Variants in MED12L observed in about 807,000 individuals in gnomAD.
MED12L encodes the protein mediator of RNA polymerase II transcription subunit 12-like protein.
In MED12L, 60 loss-of-function variants were observed where a neutral mutation model predicts 281.3. The ratio of observed to expected loss-of-function variants is 0.21; its 90% CI spans 0.17 to 0.26. The LOEUF (loss-of-function observed/expected upper bound fraction) is 0.26, where lower values mean the gene tolerates loss of function less well. Among genes scored for constraint, MED12L ranks in the 10% least tolerant of loss-of-function variants. MED12L has a pLI of 1.00. For missense variants in MED12L, 2,146 were observed against 2,680.9 expected (o/e 0.80, Z 4.41); for synonymous variants, 974 against 987.2 (o/e 0.99, Z 0.25).
intron 44 of MED12L, among the ~76,000 whole-genome samples, 198 bp from the exon 45 acceptor site, chr3:151,432,554 C>G (rs1188812970): frequency 6.6e-6 from 1 of 152,202 alleles, no homozygotes; most frequent in African/African-American, 2.4e-5. Flanking sequence ...CAAGTGTGGA[C>G]TGTGAATAAA....
At chr3:151,188,568 T>G in intron 13 of MED12L, 88 bp downstream of exon 13, 1 of 1,328,510 alleles carries the variant, frequency 7.5e-7, no homozygotes. Flanking sequence ...TTAGATCTTA[T>G]TTAATATTCT....
At chr3:151,335,310 A>G (rs752692137) in intron 16 of MED12L, among the ~76,000 whole-genome samples, 2 of 152,134 alleles carry the variant, frequency 1.3e-5, no homozygotes, top group African/African-American at 4.8e-5. Context: ...CTGTCATTCT[A>G]CTCTCATAAA....
chr3:151,196,595 T>C (rs528889043), intron 16 of MED12L, among the ~76,000 whole-genome samples: 29 of 152,330 alleles, frequency 1.9e-4, no homozygotes, highest in Admixed American at 7.8e-4. Context: ...TAGTGAACCA[T>C]GTTTCCTAGA....
intron 16 of MED12L, among the ~76,000 whole-genome samples, chr3:151,254,803 A>G (rs1737515761): frequency 6.6e-6 from 1 of 152,228 alleles, no homozygotes; most frequent in Admixed American, 6.5e-5. Flanking sequence ...CCTCTAGCTT[A>G]CCAGTTTTAG....
At chr3:151,275,054 C>T (rs922081451) in intron 16 of MED12L, among the ~76,000 whole-genome samples, 2 of 152,190 alleles carry the variant, frequency 1.3e-5, no homozygotes, top group African/African-American at 4.8e-5. Context: ...ACATCAGCAA[C>T]AGGTGAGTTC....
At chr3:151,162,047 G>T (rs1197689588) in intron 8 of MED12L, among the ~76,000 whole-genome samples, 2 of 152,170 alleles carry the variant, frequency 1.3e-5, no homozygotes, top group Admixed American at 6.5e-5. Context: ...GAAGAGAAGA[G>T]AAGAGAATGG....
chr3:151,138,765 C>G (rs1293748415), intron 5 of MED12L, among the ~76,000 whole-genome samples: 4 of 152,168 alleles, frequency 2.6e-5, no homozygotes, highest in African/African-American at 9.7e-5. Flanking sequence ...TGACTTATGA[C>G]TATTGATGTT....
At chr3:151,227,208 C>G (rs758986841) in intron 16 of MED12L, among the ~76,000 whole-genome samples, 9 of 152,216 alleles carry the variant, frequency 5.9e-5, no homozygotes, top group Non-Finnish European at 1.2e-4. Flanking sequence ...AGGAGCTGTG[C>G]TAAGTTTTCA....
intron 11 of MED12L, among the ~76,000 whole-genome samples, chr3:151,183,437 C>T (rs1183895744): frequency 2.6e-5 from 4 of 152,226 alleles, no homozygotes; most frequent in Admixed American, 6.5e-5. Context: ...TTGTCTTTCT[C>T]CTGCCTTTTC....
At chr3:151,371,811 A>G (rs1004785021) in intron 26 of MED12L, among the ~76,000 whole-genome samples, 1 of 152,148 alleles carries the variant, frequency 6.6e-6, no homozygotes, top group African/African-American at 2.4e-5. Flanking sequence ...TTAAAATATG[A>G]TAGTTATTTG....
In MED12L at chr3:151,160,207, T is replaced by G. The variant is rs1312504950; in HGVS notation, c.1107+106T>G. The G allele has an allele frequency of 1.4e-5, 15 of 1,057,924 alleles. No homozygotes were observed. The East Asian group carries it at 3.4e-4, about 24-fold the overall frequency. 65.5% of individuals were successfully genotyped at this position (1,057,924 alleles called of 1,614,324 possible). On this transcript the variant is annotated intron_variant, in intron 8 of 44. Transcript: ENST00000687756. ...TAGTTGACTTTTTACAACTCTAGTTTTTTCCTCACCCAAGTAATTTATTGA... is the reference window on the plus strand; with the variant it reads ...TAGTTGACTTTTTACAACTCTAGTTGTTTCCTCACCCAAGTAATTTATTGA...
At chr3:151,155,833 C>G (rs1252798895) in intron 5 of MED12L, among the ~76,000 whole-genome samples, 1 of 152,120 alleles carries the variant, frequency 6.6e-6, no homozygotes, top group Non-Finnish European at 1.5e-5. Flanking sequence ...TGATGTTTAA[C>G]AAGGAGGATC....
chr3:151,401,890 A>C (rs568270352), intron 39 of MED12L, among the ~76,000 whole-genome samples: 1 of 152,210 alleles, frequency 6.6e-6, no homozygotes, highest in East Asian at 1.9e-4. Flanking sequence ...TGTTTATTTG[A>C]ATGATGAGGA....
chr3:151,243,564 A>G lies in MED12L; in HGVS notation c.2250+49898A>G, dbSNP rs373889991. Among the ~76,000 whole-genome samples, 13 of 152,070 alleles carry G rather than the reference A, an allele frequency of 8.5e-5. No homozygotes were observed. The South Asian group carries it at 1.2e-3, about 15-fold the overall frequency. On this transcript the variant is annotated intron_variant, in intron 16 of 44. Coordinates refer to ENST00000687756, the MANE Select transcript of MED12L (RefSeq NM_001393769.1). ...TAAAATACTTTACAGACAAGCAAAT[A>G]CTGAGAGATTTTGTCACCACCAGGC...
Position 151,365,222 on chromosome 3 carries a change from C to T in MED12L, c.3185+16C>T. 6.9e-6 allele frequency: 11 copies of T among 1,599,030 alleles called. No individual in the cohort carries two copies. Among genetic ancestry groups the T allele is most frequent in the Non-Finnish European group, 8.6e-6 (10 of 1,166,560 alleles). The stretch of plus-strand genomic sequence containing the variant: ...ATGCTGGCAGGTGAGATGGGTTACC[C>T]TGGAATTCATGATTAACCAAAGAGT... On this transcript the variant is annotated intron_variant, in intron 22 of 44. Coordinates refer to ENST00000687756, the MANE Select transcript of MED12L (RefSeq NM_001393769.1).
chr3:151,385,852 C>G (rs972811276), intron 36 of MED12L, among the ~76,000 whole-genome samples: 2 of 151,944 alleles, frequency 1.3e-5, no homozygotes, highest in African/African-American at 4.8e-5. Flanking sequence ...AAAGATGGTT[C>G]TCTAAAATAT....
intron 4 of MED12L, among the ~76,000 whole-genome samples, chr3:151,127,177 C>T (rs1258388738): frequency 1.3e-5 from 2 of 152,100 alleles, no homozygotes; most frequent in African/African-American, 4.8e-5. Context: ...TAAATAGTAC[C>T]TTTGTGGTCT....
chr3:151,323,944 G>C (rs1749284728), intron 16 of MED12L, among the ~76,000 whole-genome samples: 1 of 152,222 alleles, frequency 6.6e-6, no homozygotes, highest in African/African-American at 2.4e-5. Context: ...TTCGTGTTGA[G>C]ACTTCTCTCT....
chr3:151,275,573 A>G (rs1466226925), intron 16 of MED12L, among the ~76,000 whole-genome samples: 1 of 152,216 alleles, frequency 6.6e-6, no homozygotes, highest in Non-Finnish European at 1.5e-5. Context: ...TGGATTGAGA[A>G]GCTTTGCTGT....
Sources: allele counts gnomAD v4.1 joint callset (sites outside exome capture counted in the v4.1 genomes callset), GRCh38; gene constraint gnomAD v4.1.1; transcripts MANE v1.5; gene names NCBI Gene and HGNC (gene_info 2026-07-23, HGNC 2026-07-21).